Variants in CELF2 observed in about 807,000 individuals in gnomAD.
CELF2 encodes CUG triplet repeat RNA-binding protein 2.
In CELF2, 8 loss-of-function variants were observed where a neutral mutation model predicts 62.6. The ratio of observed to expected loss-of-function variants is 0.13; its 90% confidence interval spans 0.07 to 0.23. CELF2 has a LOEUF of 0.23. Ranked by LOEUF, CELF2 falls within the 10% of genes least tolerant of loss-of-function variation. The pLI is 1.00. For missense variants in CELF2, 333 were observed against 671.0 expected, an observed-to-expected ratio of 0.50 and a Z score of 5.56; for synonymous variants, 258 against 250.0, an observed-to-expected ratio of 1.03 and a Z score of -0.30.
At chr10:10,927,974 G>T (rs2065701825) in intron 2 of CELF2, among the ~76,000 whole-genome samples, 2 of 151,996 alleles carry the variant, frequency 1.3e-5, no homozygotes, top group South Asian at 4.1e-4. Flanking sequence ...GGTTCCAAGG[G>T]CTGCTTTCAT....
intron 2 of CELF2, among the ~76,000 whole-genome samples, chr10:11,203,140 T>G (rs573630442): frequency 6.6e-6 from 1 of 152,144 alleles, no homozygotes; most frequent in Non-Finnish European, 1.5e-5. Flanking sequence ...AAAATGAAAG[T>G]TTTTAGATCA....
the CELF2 span, among the ~76,000 whole-genome samples, chr10:10,502,322 T>C: frequency 1.3e-5 from 2 of 152,018 alleles, no homozygotes; most frequent in Non-Finnish European, 2.9e-5. Flanking sequence ...GAAGAGATTG[T>C]GTAGAATTGG....
intron 1 of CELF2, among the ~76,000 whole-genome samples, chr10:10,893,902 C>T (rs1189138149): frequency 6.6e-6 from 1 of 152,180 alleles, no homozygotes; most frequent in East Asian, 1.9e-4. Flanking sequence ...GCCTCCAACA[C>T]TGGGGGTTAC....
At chr10:10,750,638 T>G in the CELF2 span, among the ~76,000 whole-genome samples, 4 of 152,230 alleles carry the variant, frequency 2.6e-5, no homozygotes, top group African/African-American at 7.2e-5. Context: ...ACAAATAAAT[T>G]TATTCACGCA....
chr10:10,762,811 G>C, the CELF2 span, among the ~76,000 whole-genome samples: 1 of 152,198 alleles, frequency 6.6e-6, no homozygotes, highest in African/African-American at 2.4e-5. Flanking sequence ...AGAGGCCAAG[G>C]CAGGGGGACC....
chr10:11,266,013 G>C (rs1260740436), intron 5 of CELF2, among the ~76,000 whole-genome samples: 1 of 152,068 alleles, frequency 6.6e-6, no homozygotes, highest in Admixed American at 6.5e-5. Flanking sequence ...AACAGACTTG[G>C]TATATTTGTA....
At chr10:10,697,362 G>A in the CELF2 span, among the ~76,000 whole-genome samples, 3 of 152,282 alleles carry the variant, frequency 2.0e-5, no homozygotes, top group African/African-American at 7.2e-5. Context: ...AATAAGGAGG[G>A]CCCCAGAAAA....
intron 1 of CELF2, among the ~76,000 whole-genome samples, chr10:11,106,207 T>TTTTATTTATTTATTTATTTA (rs10624331): frequency 7.1e-5 from 10 of 140,440 alleles, no homozygotes; most frequent in Middle Eastern, 3.3e-3. Flanking sequence ...TTTTACTTTA[T>TTTTATTTATTTATTTATTTA]TTTATTTATT....
rs988463604 is a variant in CELF2, at chr10:11,068,609, G to A, written c.74+50446G>A. Among the ~76,000 whole-genome samples, 13 of 151,538 alleles carry A rather than the reference G, an allele frequency of 8.6e-5. 1 individual carries two copies. In the East Asian group the frequency reaches 2.3e-3, roughly 27 times the overall value. On this transcript the variant is annotated intron_variant, in intron 1 of 12. Coordinates refer to ENST00000633077, the MANE Select transcript of CELF2 (RefSeq NM_001326342.2). Reference sequence around the variant, plus strand: ...GGAGTCTTGCTCTGTCGCCCAGGCTGGAGTGCAGTGGCCCGATCTTGGCTC... The same window carrying A: ...GGAGTCTTGCTCTGTCGCCCAGGCTAGAGTGCAGTGGCCCGATCTTGGCTC...
chr10:11,178,478 G>A lies in CELF2; in HGVS notation c.271+12796G>A, dbSNP rs756787772. Among the ~76,000 whole-genome samples, 2 of 152,246 alleles carry A rather than the reference G, an allele frequency of 1.3e-5. No homozygotes were observed. Among genetic ancestry groups the A allele is most frequent in the Non-Finnish European group, 2.9e-5 (2 of 68,042 alleles). ...GAAGGAAGAAAAAGACTTGGGGAAAGGTAATGAATAAATTAAAGACACACT... is the reference window on the plus strand; with the variant it reads ...GAAGGAAGAAAAAGACTTGGGGAAAAGTAATGAATAAATTAAAGACACACT... On this transcript the variant is annotated intron_variant, in intron 2 of 12. Coordinates refer to ENST00000633077, the MANE Select transcript of CELF2 (RefSeq NM_001326342.2). This position sits in a 1 kb window ranked among gnomAD's most constrained non-coding sequence, Gnocchi z 4.3.
the CELF2 span, among the ~76,000 whole-genome samples, chr10:10,621,243 C>CAAAAAA: frequency 4.4e-5 from 2 of 45,338 alleles, no homozygotes; most frequent in Non-Finnish European, 9.8e-5. Flanking sequence ...GACTCTGACT[C>CAAAAAA]AAAAAAAAAA....
At chr10:10,647,049 G>A in the CELF2 span, among the ~76,000 whole-genome samples, 1 of 152,088 alleles carries the variant, frequency 6.6e-6, no homozygotes, top group African/African-American at 2.4e-5. Flanking sequence ...TTATAAATAG[G>A]GTCACATACT....
Position 11,308,228 on chromosome 10 carries a change from C to T in CELF2, c.977-5911C>T, listed in dbSNP as rs118182058. 3.8e-3 allele frequency among the ~76,000 whole-genome samples: 586 copies of T among 152,274 alleles called. 6 individuals are homozygous for T. The East Asian group carries it at 0.073, about 19-fold the overall frequency. ...CTTTCAACATATTTCTGTCATGTGC[C>T]AGGGTATAGATTTCTTTCCATTTAT... On this transcript the variant is annotated intron_variant, in intron 9 of 12. Transcript: ENST00000633077.
At position 11,255,566 on chromosome 10, in the gene CELF2, T is replaced by C. The variant is rs1376052307; in HGVS notation, c.404-2172T>C. 3.9e-5 allele frequency among the ~76,000 whole-genome samples: 6 copies of C among 152,198 alleles called. No individual in the cohort carries two copies. Among genetic ancestry groups the C allele is most frequent in the African/African-American group, 9.7e-5 (4 of 41,450 alleles). On this transcript the variant is annotated intron_variant, in intron 4 of 12. Coordinates refer to ENST00000633077, the MANE Select transcript of CELF2 (RefSeq NM_001326342.2). This position sits in a 1 kb window ranked among gnomAD's most constrained non-coding sequence, Gnocchi z 5.5. Reference sequence around the variant, plus strand: ...ACACCTGGGTGCACGATTCGTAGTTTACAAGTATTGTGGAATCGTGCCTTT... The same window carrying C: ...ACACCTGGGTGCACGATTCGTAGTTCACAAGTATTGTGGAATCGTGCCTTT...
intron 2 of CELF2, among the ~76,000 whole-genome samples, chr10:10,992,519 G>A (rs76112686): frequency 0.051 from 7,730 of 152,234 alleles, 239 homozygotes; most frequent in Middle Eastern, 0.075. Context: ...GAAGGAGGGC[G>A]CAAAGAATTG....
chr10:10,724,665 AAAAAAG>A, the CELF2 span, among the ~76,000 whole-genome samples: 51 of 149,772 alleles, frequency 3.4e-4, no homozygotes, highest in Non-Finnish European at 5.3e-4. Flanking sequence ...CAAAAAAAAA[AAAAAAG>A]AAAAAAGAAA....
chr10:10,477,892 C>G, the CELF2 span, among the ~76,000 whole-genome samples: 2 of 151,912 alleles, frequency 1.3e-5, no homozygotes, highest in Admixed American at 6.6e-5. Context: ...CTGATGTTCC[C>G]CAAGGAAAAT....
At chr10:11,186,296 C>CTT (rs57327671) in intron 2 of CELF2, among the ~76,000 whole-genome samples, 12,689 of 115,288 alleles carry the variant, frequency 0.11, 726 homozygotes, top group Middle Eastern at 0.14. Context: ...GGTTTTGTTG[C>CTT]TTTTTTTTTT....
chr10:10,914,873 A>G (rs189989901), intron 1 of CELF2, among the ~76,000 whole-genome samples: 268 of 152,288 alleles, frequency 1.8e-3, no homozygotes, highest in African/African-American at 6.3e-3. Context: ...TCACACCTAT[A>G]ATCCCAGCAC....
Sources: gnomAD v4.1 joint callset for allele counts (sites outside exome capture counted in the v4.1 genomes callset) on GRCh38, gnomAD v4.1.1 for gene constraint, Gnocchi (gnomAD v3.1) non-coding constraint, MANE v1.5 for transcripts, NCBI Gene and HGNC (gene_info 2026-07-23, HGNC 2026-07-21) for gene names.